The following IGDCC4 variants were observed in gnomAD, a reference collection of about 807,000 sequenced individuals.
The protein encoded by IGDCC4 is immunoglobulin superfamily DCC subclass member 4, also known as likely ortholog of mouse neighbor of Punc E11.
In IGDCC4, 72 loss-of-function variants were observed where a neutral mutation model predicts 116.6. That is an observed-to-expected ratio of 0.62 (90% CI 0.51 to 0.75). The LOEUF (loss-of-function observed/expected upper bound fraction) is 0.75, where lower values mean the gene tolerates loss of function less well. IGDCC4 is among the 30% of genes least tolerant of loss of function. The pLI is 0.00. For missense variants in IGDCC4, 1,501 were observed against 1,662.4 expected, an observed-to-expected ratio of 0.90 and a Z score of 1.69; for synonymous variants, 709 against 719.9, an observed-to-expected ratio of 0.98 and a Z score of 0.24.
At chr15:65,415,850 G>A (rs1344344503) in intron 1 of IGDCC4, among the ~76,000 whole-genome samples, 1 of 152,078 alleles carries the variant, frequency 6.6e-6, no homozygotes, top group African/African-American at 2.4e-5. Flanking sequence ...ACCTTCCCCA[G>A]GTAAAGTTTT....
intron 8 of IGDCC4, 48 bp downstream of exon 8, chr15:65,395,046 G>A (rs74023804): frequency 1.3e-6 from 2 of 1,557,674 alleles, no homozygotes; most frequent in Admixed American, 3.6e-5. Flanking sequence ...CCCTCCCCAG[G>A]GAATTCTCTT....
intron 3 of IGDCC4, 106 bp from the exon 4 acceptor site, chr15:65,402,593 G>A (rs917403973): frequency 1.8e-5 from 25 of 1,408,152 alleles, no homozygotes; most frequent in Non-Finnish European, 2.4e-5. Flanking sequence ...ACCAGGCTGG[G>A]CGCAGTGGCT....
At position 65,407,420 on chromosome 15, in the gene IGDCC4, G is replaced by A. The variant is rs1400477059; in HGVS notation, c.563+2758C>T. ...TGCAATGGTGTGATCTTGGCTTACT[G>A]CAACCTCTACCTTCTGGGTTCAAGC... is the stretch of plus-strand genomic sequence containing the variant. On this transcript the variant is annotated intron_variant, in intron 3 of 19. Transcript: ENST00000352385. Among the ~76,000 whole-genome samples, 7 of 152,064 alleles carry A rather than the reference G, an allele frequency of 4.6e-5. No homozygotes were observed. In the East Asian group the frequency reaches 1.3e-3, roughly 29 times the overall value.
chr15:65,404,697 T>G (rs76780903), intron 3 of IGDCC4, among the ~76,000 whole-genome samples: 3,453 of 121,486 alleles, frequency 0.028, 55 homozygotes, highest in Middle Eastern at 0.069. Flanking sequence ...ATGAACAAAT[T>G]AATGAATGAA....
At chr15:65,388,725 C>T in intron 15 of IGDCC4, 83 bp downstream of exon 15, 1 of 1,600,788 alleles carries the variant, frequency 6.2e-7, no homozygotes, top group Non-Finnish European at 8.5e-7. Flanking sequence ...GCCCCTGGAA[C>T]AAACCCCAGC....
At chr15:65,400,672 G>A in intron 5 of IGDCC4, 134 bp downstream of exon 5, 1 of 1,109,252 alleles carries the variant, frequency 9.0e-7, no homozygotes, top group African/African-American at 1.6e-5. Context: ...CCCAGCCCTG[G>A]GAAAGGAGTT....
At position 65,382,472 on chromosome 15, in the gene IGDCC4, TA is replaced by T; in HGVS notation, c.*1536del. ...TCGAATTTGGCCCAGAAGGCAGAGTTAACTCTTGATGTGCCAATCAGACATC... is the reference window on the plus strand; with the variant it reads ...TCGAATTTGGCCCAGAAGGCAGAGTTACTCTTGATGTGCCAATCAGACATC... On this transcript the variant is annotated 3_prime_UTR_variant, in exon 20 of 20. Transcript: ENST00000352385. 6.6e-6 allele frequency: 1 copy of T among 151,206 alleles called. No homozygotes were observed. Among genetic ancestry groups the T allele is most frequent in the East Asian group, 1.9e-4 (1 of 5,152 alleles). The allele number at this position is 151,206 out of a possible 1,614,324, so 9.4% of individuals were successfully genotyped here. A position where few individuals can be genotyped will look rare whatever the true frequency, so the allele number is the denominator to read the frequency against.
At chr15:65,413,668 T>C (rs1223118988) in intron 1 of IGDCC4, among the ~76,000 whole-genome samples, 2 of 152,236 alleles carry the variant, frequency 1.3e-5, no homozygotes, top group African/African-American at 4.8e-5. Flanking sequence ...CCAAGGTCCC[T>C]TCTTAGGCTC....
intron 16 of IGDCC4, among the ~76,000 whole-genome samples, chr15:65,387,666 T>G (rs1343725111): frequency 1.3e-5 from 2 of 151,270 alleles, no homozygotes; most frequent in Non-Finnish European, 2.9e-5. Flanking sequence ...CGACCTCTAA[T>G]TTTTAAAATA....
intron 4 of IGDCC4, among the ~76,000 whole-genome samples, chr15:65,401,961 CAGTG>C (rs2062991158): frequency 6.6e-6 from 1 of 152,150 alleles, no homozygotes; most frequent in East Asian, 1.9e-4. Flanking sequence ...GACGAACCCC[CAGTG>C]CCTGGACCCC....
At chr15:65,388,782 A>G (rs904520138) in intron 15 of IGDCC4, 26 bp downstream of exon 15, 2 of 1,613,726 alleles carry the variant, frequency 1.2e-6, no homozygotes, top group Non-Finnish European at 1.7e-6. Context: ...GCTCTTGAGC[A>G]GATGCCCTGG....
At position 65,392,345 on chromosome 15, in the gene IGDCC4, CT is replaced by C; in HGVS notation, c.1910del (p.Lys637ArgfsTer63). ...SHVPFAPAEL[K>X]VQAKMESLVV... ...CCAGGGACTCCATCTTTGCCTGCAC[CT>C]TCAACTCTGCAGGGGCAAAAGGGAC... On this transcript the variant is annotated frameshift_variant, in exon 11 of 20. Transcript: ENST00000352385. LOFTEE classifies it high-confidence loss of function. 1 of 1,553,348 alleles carries C rather than the reference CT, an allele frequency of 6.4e-7. No homozygotes were observed. The highest frequency in any genetic ancestry group is 8.7e-7 in the Non-Finnish European group (1 of 1,146,442).
At chr15:65,407,601 C>A (rs887479660) in intron 3 of IGDCC4, among the ~76,000 whole-genome samples, 1 of 151,988 alleles carries the variant, frequency 6.6e-6, no homozygotes, top group African/African-American at 2.4e-5. Flanking sequence ...CCTCAGCCCC[C>A]CAAAGTGCTG....
At position 65,422,713 on chromosome 15, in the gene IGDCC4, C is replaced by A. The variant is rs183113068; in HGVS notation, c.70+80G>T. 4.0e-4 allele frequency: 456 copies of A among 1,141,168 alleles called. 1 individual carries two copies. In the African/African-American group the frequency reaches 6.3e-3, roughly 16 times the overall value. The allele number at this position is 1,141,168 out of a possible 1,614,324, so 70.7% of individuals were successfully genotyped here. A position where few individuals can be genotyped will look rare whatever the true frequency, so the allele number is the denominator to read the frequency against. ...GCTCGGGACTCCGGCTTGAGCCAGC[C>A]CCGCAGCCCGATGCAGACCAGGGCG... On this transcript the variant is annotated intron_variant, in intron 1 of 19. Coordinates refer to ENST00000352385, the MANE Select transcript of IGDCC4 (RefSeq NM_020962.3).
rs753949741 is a variant in IGDCC4, at chr15:65,394,429, A to G, written c.1696T>C (p.Tyr566His). 2 of 1,613,828 alleles carry G rather than the reference A, an allele frequency of 1.2e-6. No homozygotes were observed. Among genetic ancestry groups the G allele is most frequent in the African/African-American group, 1.3e-5 (1 of 74,850 alleles). Residue 566 changes from tyrosine to histidine, a missense_variant, in exon 9 of 20, where the codon TAC (tyrosine) becomes CAC (histidine). Around this residue, in one of 3 missense-constraint regions of IGDCC4, gnomAD observed 898 missense variants for 978.9 expected, o/e 0.92. Coordinates refer to ENST00000352385, the MANE Select transcript of IGDCC4 (RefSeq NM_020962.3). ...NGQVVKYKIE[Y>H]GLGKEDQIFS... is the part of the protein sequence containing the mutation. ...CACTCACCTTCCTTTCCCAAACCGT[A>G]TTCTATCTTGTACTTCACCACCTGC...
intron 1 of IGDCC4, among the ~76,000 whole-genome samples, chr15:65,420,939 G>A (rs1309434370): frequency 1.3e-5 from 2 of 152,154 alleles, no homozygotes; most frequent in Non-Finnish European, 2.9e-5. Context: ...GATCAGGTCT[G>A]CCTCCTTATT....
chr15:65,395,864 TG>T lies in IGDCC4; in HGVS notation c.1296del (p.Thr433ArgfsTer8). On this transcript the variant is annotated frameshift_variant, in exon 7 of 20. Transcript: ENST00000352385. LOFTEE classifies it high-confidence loss of function. Reference protein sequence around the residue: ...VVVREGLPSAPTRVTATPLSS... With the variant: ...VVVREGLPSAXTRVTATPLSS... ...CTCAGTGGCGTAGCAGTGACCCGCGTGGGGGCGCTGGGCAGCCCCTCGCGCA... is the reference window on the plus strand; with the variant it reads ...CTCAGTGGCGTAGCAGTGACCCGCGTGGGGCGCTGGGCAGCCCCTCGCGCA... 2.5e-6 allele frequency: 4 copies of T among 1,580,854 alleles called. No individual in the cohort carries two copies. The highest frequency in any genetic ancestry group is 4.6e-5 in the East Asian group (2 of 43,604).
At chr15:65,398,677 G>A (rs1005435459) in intron 5 of IGDCC4, among the ~76,000 whole-genome samples, 1 of 152,092 alleles carries the variant, frequency 6.6e-6, no homozygotes, top group African/African-American at 2.4e-5. Context: ...GGATCACGAG[G>A]TCAGGAGATG....
At chr15:65,392,104 C>T (rs1411264449) in intron 11 of IGDCC4, 30 bp downstream of exon 11, 5 of 1,506,424 alleles carry the variant, frequency 3.3e-6, no homozygotes, top group Non-Finnish European at 4.5e-6. Context: ...AGCTACATCC[C>T]TCCCTCCCCC....
Sources: allele counts gnomAD v4.1 joint callset (sites outside exome capture counted in the v4.1 genomes callset), GRCh38; gene constraint gnomAD v4.1.1; regional missense constraint gnomAD v4.1.1; transcripts MANE v1.5; gene names NCBI Gene and HGNC (gene_info 2026-07-23, HGNC 2026-07-21).